The following DNAJB1 variants were observed in gnomAD, a reference collection of about 807,000 sequenced individuals.
The protein encoded by DNAJB1 is DnaJ heat shock protein family (Hsp40) member B1.
Under a neutral mutation model 24.0 loss-of-function variants are expected in DNAJB1, and 14 were observed. The ratio of observed to expected loss-of-function variants is 0.58; its 90% CI spans 0.39 to 0.91. The LOEUF is 0.91. DNAJB1 is among the 40% of genes least tolerant of loss of function. The pLI, the probability that DNAJB1 is intolerant of heterozygous loss-of-function variation, is 0.00. For missense variants in DNAJB1, 517 were observed against 458.1 expected (o/e 1.13, Z -1.17); for synonymous variants, 262 against 174.4 (o/e 1.50, Z -3.96).
upstream of DNAJB1, among the ~76,000 whole-genome samples, chr19:14,520,000 A>G (rs2072343010): frequency 1.3e-5 from 2 of 152,148 alleles, no homozygotes; most frequent in Admixed American, 1.3e-4. Flanking sequence ...CTGGAACCAG[A>G]CAGCTGGGCT....
chr19:14,518,621 C>A (rs1051511980), upstream of DNAJB1, among the ~76,000 whole-genome samples: 1 of 152,222 alleles, frequency 6.6e-6, no homozygotes, highest in Admixed American at 6.5e-5. Flanking sequence ...CCCCGCGGCG[C>A]GCGCGCACAG....
chr19:14,516,118 GGTATC>G lies in DNAJB1; in HGVS notation c.840_844del (p.Ile281ArgfsTer35), dbSNP rs1223422776. 1 of 1,613,450 alleles carries G rather than the reference GGTATC, an allele frequency of 6.2e-7. No homozygotes were observed. The highest frequency in any genetic ancestry group is 8.5e-7 in the Non-Finnish European group (1 of 1,179,890). On this transcript the variant is annotated frameshift_variant, in exon 3 of 3. Coordinates refer to ENST00000254322, the MANE Select transcript of DNAJB1 (RefSeq NM_006145.3). LOFTEE classifies it high-confidence loss of function. ...CCTGATAACATCTTTGAATACGACG[GGTATC>G]GTCCTGCCGTCCAGAGTGGGGACGT...
chr19:14,532,657 G>A (rs186175460), upstream of DNAJB1: 1 of 152,174 alleles, frequency 6.6e-6, no homozygotes, highest in Admixed American at 6.6e-5. Context: ...ATAGCTACAG[G>A]GCTTCTGGGT....
At chr19:14,516,269 G>T in intron 2 of DNAJB1, 99 bp from the exon 3 acceptor site, 1 of 1,409,756 alleles carries the variant, frequency 7.1e-7, no homozygotes. Context: ...TCAGGCCTCT[G>T]CAGCTAAGAC....
chr19:14,542,182 C>T (rs996723899), intron 1 of DNAJB1, among the ~76,000 whole-genome samples: 1 of 151,880 alleles, frequency 6.6e-6, no homozygotes, highest in Non-Finnish European at 1.5e-5. Context: ...CCAGGCTGGT[C>T]TCCAACTCTT....
At chr19:14,518,095 GT>G in intron 1 of DNAJB1, 43 bp downstream of exon 1, 3 of 1,408,408 alleles carry the variant, frequency 2.1e-6, no homozygotes, top group Non-Finnish European at 2.8e-6. Context: ...CAGTTTCCCT[GT>G]CTGTCAAAAG....
chr19:14,553,631 G>A (rs900960821), upstream of DNAJB1, among the ~76,000 whole-genome samples: 5 of 152,164 alleles, frequency 3.3e-5, no homozygotes, highest in Non-Finnish European at 7.3e-5. Flanking sequence ...AAGTGGGAAG[G>A]AAAGGGAGCC....
rs545193107 is a variant in DNAJB1 at position 14,544,635 on chromosome 19, CTTT to C, written c.-214+5570_-214+5572del. 5.0e-3 allele frequency among the ~76,000 whole-genome samples: 671 copies of C among 134,166 alleles called. 3 individuals are homozygous for C. Among genetic ancestry groups the C allele is most frequent in the African/African-American group, 0.014 (493 of 36,084 alleles). 88.0% of individuals were successfully genotyped at this position (134,166 alleles called of 152,430 possible). ...TTGCTGCTGCGGTGTTTGGCCATTCCTTTTTTTTTTTTTTTTGAGACAGGGTCT... is the reference window on the plus strand; with the variant it reads ...TTGCTGCTGCGGTGTTTGGCCATTCCTTTTTTTTTTTTTGAGACAGGGTCT... On this transcript the variant is annotated intron_variant, in intron 1 of 3. Transcript: ENST00000676982.
In DNAJB1 at chr19:14,514,806, AT is replaced by A. The variant is rs1407085805; in HGVS notation, c.*1133del. 1.3e-5 allele frequency: 2 copies of A among 152,604 alleles called. No homozygotes were observed. The highest frequency in any genetic ancestry group is 1.3e-4 in the Admixed American group (2 of 15,268). The allele number at this position is 152,604 out of a possible 1,614,324, so 9.5% of individuals were successfully genotyped here. On this transcript the variant is annotated 3_prime_UTR_variant, in exon 3 of 3. Transcript: ENST00000254322. The stretch of plus-strand genomic sequence containing the variant: ...TCAGTCTTTAATGCTGTCGCACTTC[AT>A]TGACTAGTCACACACTTTGGTCTCA...
Position 14,525,804 on chromosome 19 carries a change from G to GA in DNAJB1, c.-90+1921dup, listed in dbSNP as rs894195199. 1.0e-3 allele frequency among the ~76,000 whole-genome samples: 141 copies of GA among 139,006 alleles called. 2 individuals carry two copies. In the South Asian group the frequency reaches 0.015, roughly 15 times the overall value. The allele number at this position is 139,006 out of a possible 152,430, so 91.2% of individuals were successfully genotyped here. ...TACTACATGTCAATTACACTTCAAT[G>GA]AAAAAAAAAAAAAGAAGGAGAAAAA... On this transcript the variant is annotated intron_variant, in intron 2 of 3. Coordinates refer to the DNAJB1 transcript ENST00000396969.
chr19:14,553,094 G>A (rs887234206), upstream of DNAJB1, among the ~76,000 whole-genome samples: 9 of 152,054 alleles, frequency 5.9e-5, no homozygotes, highest in Non-Finnish European at 1.2e-4. Context: ...TTTGTCTTGT[G>A]CCATATTCAT....
At chr19:14,542,347 G>GGGTTTTTT (rs2073124658) in intron 1 of DNAJB1, among the ~76,000 whole-genome samples, 10 of 43,282 alleles carry the variant, frequency 2.3e-4, no homozygotes, top group African/African-American at 8.1e-4. Flanking sequence ...ATGCCATAGT[G>GGGTTTTTT]TTTTTTTTTT....
chr19:14,552,659 C>T (rs930589357), upstream of DNAJB1, among the ~76,000 whole-genome samples: 5 of 151,926 alleles, frequency 3.3e-5, no homozygotes, highest in South Asian at 2.1e-4. Context: ...CTCAGCCTCC[C>T]GAGTAGCTGG....
At chr19:14,551,176 G>T (rs561571764), upstream of DNAJB1, among the ~76,000 whole-genome samples, 38 of 151,806 alleles carry the variant, frequency 2.5e-4, no homozygotes, top group Middle Eastern at 3.4e-3. Flanking sequence ...GGTTCATAAC[G>T]ATTCTCCTGC....
chr19:14,517,583 C>T (rs903704240), intron 1 of DNAJB1: 1 of 154,606 alleles, frequency 6.5e-6, no homozygotes, highest in Non-Finnish European at 1.4e-5. Context: ...AAGCCCTGCT[C>T]TCCTTACCCT....
At chr19:14,517,244 G>A in intron 1 of DNAJB1, 198 bp from the exon 2 acceptor site, 1 of 588,744 alleles carries the variant, frequency 1.7e-6, no homozygotes, top group South Asian at 2.2e-5. Flanking sequence ...TTTCCGCGTA[G>A]CCTGACAGTG....
chr19:14,537,124 T>G, intron 1 of DNAJB1, among the ~76,000 whole-genome samples: 1 of 104,530 alleles, frequency 9.6e-6, no homozygotes, highest in Non-Finnish European at 1.9e-5. Flanking sequence ...GTGGAGGAGG[T>G]GGTTCCTGAG....
At chr19:14,545,516 G>A (rs1304381073) in intron 1 of DNAJB1, among the ~76,000 whole-genome samples, 1 of 152,104 alleles carries the variant, frequency 6.6e-6, no homozygotes, top group Non-Finnish European at 1.5e-5. Context: ...GGGGGTGGGG[G>A]GGATAGCCTC....
Position 14,514,907 on chromosome 19 carries a change from C to T in DNAJB1, c.*1033G>A, listed in dbSNP as rs1049717061. 1 of 152,630 alleles carries T rather than the reference C, an allele frequency of 6.6e-6. No homozygotes were observed. Among genetic ancestry groups the T allele is most frequent in the African/African-American group, 2.4e-5 (1 of 41,434 alleles). The allele number at this position is 152,630 out of a possible 1,614,324, so 9.5% of individuals were successfully genotyped here. A position where few individuals can be genotyped will look rare whatever the true frequency, so the allele number is the denominator to read the frequency against. On this transcript the variant is annotated 3_prime_UTR_variant, in exon 3 of 3. Transcript: ENST00000254322. ...GGCCTCCAGGGAACAGACATTTGTT[C>T]CAACTCCCCTTCCCTCCCCAAGATT...
Sources: allele counts gnomAD v4.1 joint callset (sites outside exome capture counted in the v4.1 genomes callset), GRCh38; gene constraint gnomAD v4.1.1; transcripts MANE v1.5; gene names NCBI Gene and HGNC (gene_info 2026-07-23, HGNC 2026-07-21).